The following CAMK1 variants were observed in gnomAD, a reference collection of about 807,000 sequenced individuals.
The protein encoded by CAMK1 is calcium/calmodulin dependent protein kinase I.
A neutral mutation model predicts 49.1 loss-of-function variants in CAMK1; 39 were observed. The ratio of observed to expected loss-of-function variants is 0.79; its 90% CI spans 0.62 to 1.04. The LOEUF (loss-of-function observed/expected upper bound fraction) is 1.04. CAMK1 is among the 50% of genes least tolerant of loss of function. The pLI is 0.00. For synonymous variants in CAMK1, 192 were observed against 185.2 expected, an observed-to-expected ratio of 1.04 and a Z score of -0.30; for missense variants, 457 against 472.2, an observed-to-expected ratio of 0.97 and a Z score of 0.30.
At chr3:9,759,788 T>TGG in intron 8 of CAMK1, 38 bp from the exon 9 acceptor site, 1 of 1,614,014 alleles carries the variant, frequency 6.2e-7, no homozygotes, top group South Asian at 1.1e-5. Flanking sequence ...AATGACAGCA[T>TGG]GGTACTGCCT....
At position 9,766,058 on chromosome 3, in the gene CAMK1, G is replaced by A. The variant is rs747025659; in HGVS notation, c.84-168C>T. 9.4e-6 allele frequency: 15 copies of A among 1,588,924 alleles called. No individual in the cohort carries two copies. The highest frequency in any genetic ancestry group is 1.3e-5 in the Non-Finnish European group (15 of 1,166,740). The stretch of plus-strand genomic sequence containing the variant: ...CTCCAGAGATGGTCACATGACCCAG[G>A]CCTGGCCAGTCAAAGTAGTCTCTCC... On this transcript the variant is annotated intron_variant, in intron 2 of 11. Coordinates refer to ENST00000256460, the MANE Select transcript of CAMK1 (RefSeq NM_003656.5).
chr3:9,759,745 C>G lies in CAMK1; in HGVS notation c.751G>C (p.Asp251His), dbSNP rs1559695168. 6.2e-7 allele frequency: 1 copy of G among 1,614,184 alleles called. No homozygotes were observed. Among genetic ancestry groups the G allele is most frequent in the South Asian group, 1.1e-5 (1 of 91,080 alleles). The change falls in exon 9 of 12, where the codon GAT becomes CAT. Residue 251 changes from aspartate to histidine, a missense_variant. Coordinates refer to ENST00000256460, the MANE Select transcript of CAMK1 (RefSeq NM_003656.5). ...TTCTCCATCAAGTGCCGGATGAAAT[C>G]TTTGGCTAAACCCCCAAGACAAAAG... ...YWDDISDSAKDFIRHLMEKDP... is the reference protein window; with the variant it reads ...YWDDISDSAKHFIRHLMEKDP...
Position 9,767,620 on chromosome 3 carries a change from C to T in CAMK1, c.83+47G>A, listed in dbSNP as rs941674312. On this transcript the variant is annotated intron_variant, in intron 2 of 11. Coordinates refer to ENST00000256460, the MANE Select transcript of CAMK1 (RefSeq NM_003656.5). Reference sequence around the variant, plus strand: ...TGACCAGAGGAAGCCCCACCCTGGACTCAGCCTCCCTCAGCCATCCAGCAC... The same window carrying T: ...TGACCAGAGGAAGCCCCACCCTGGATTCAGCCTCCCTCAGCCATCCAGCAC... 5 of 1,610,914 alleles carry T rather than the reference C, an allele frequency of 3.1e-6. No homozygotes were observed. In the African/African-American group the frequency reaches 5.3e-5, roughly 17 times the overall value.
At chr3:9,760,828 A>G in intron 7 of CAMK1, 60 bp from the exon 8 acceptor site, 1 of 1,606,808 alleles carries the variant, frequency 6.2e-7, no homozygotes, top group Admixed American at 1.7e-5. Flanking sequence ...TCCGGGGTGG[A>G]GCACTGGGGC....
Position 9,757,528 on chromosome 3 carries a change from G to A in CAMK1, c.*11C>T. The A allele has an allele frequency of 2.5e-6, 4 of 1,610,028 alleles. No homozygotes were observed. The highest frequency in any genetic ancestry group is 1.3e-5 in the African/African-American group (1 of 74,978). ...TCCCACGCAGAGGATCATGACCCGAGGTCCAGGGCCCTAGAGCTGGTGGGG... is the reference window on the plus strand; with the variant it reads ...TCCCACGCAGAGGATCATGACCCGAAGTCCAGGGCCCTAGAGCTGGTGGGG... On this transcript the variant is annotated 3_prime_UTR_variant, in exon 12 of 12. Transcript: ENST00000256460. The surrounding 1 kb of genome is among the most constrained non-coding windows in gnomAD (Gnocchi z 4.5).
At chr3:9,764,105 G>A (rs1336610909) in intron 3 of CAMK1, among the ~76,000 whole-genome samples, 2 of 152,154 alleles carry the variant, frequency 1.3e-5, no homozygotes, top group African/African-American at 4.8e-5. Context: ...CCAGCACCTG[G>A]TACAGGGTAG....
rs2069058 is a variant in CAMK1 at position 9,759,339 on chromosome 3, A to T, written c.912+149T>A. 7,198 of 1,561,554 alleles carry T rather than the reference A, an allele frequency of 4.6e-3. 264 individuals are homozygous for T. In the African/African-American group the frequency reaches 0.083, roughly 18 times the overall value. ...GGTGTTGGGAGTGTTTGTTGAATGA[A>T]AGAGTGAATGAATGAAGTCCTTCAG... On this transcript the variant is annotated intron_variant, in intron 10 of 11. Coordinates refer to ENST00000256460, the MANE Select transcript of CAMK1 (RefSeq NM_003656.5).
At chr3:9,767,867 C>G in intron 1 of CAMK1, 86 bp from the exon 2 acceptor site, 2 of 1,476,278 alleles carry the variant, frequency 1.4e-6, no homozygotes, top group Admixed American at 2.3e-5. Context: ...GTCATTCAAC[C>G]TGCATTTATT....
intron 10 of CAMK1, chr3:9,758,904 A>G: frequency 2.5e-6 from 1 of 394,646 alleles, no homozygotes; most frequent in South Asian, 2.2e-5. Flanking sequence ...TGCTGGGATT[A>G]CAGGCGTGAG....
chr3:9,757,538 C>A lies in CAMK1; in HGVS notation c.*1G>T. On this transcript the variant is annotated 3_prime_UTR_variant, in exon 12 of 12. Transcript: ENST00000256460. The surrounding 1 kb of genome is among the most constrained non-coding windows in gnomAD (Gnocchi z 4.5). ...AGGATCATGACCCGAGGTCCAGGGCCCTAGAGCTGGTGGGGCAGTGTGGGG... is the reference window on the plus strand; with the variant it reads ...AGGATCATGACCCGAGGTCCAGGGCACTAGAGCTGGTGGGGCAGTGTGGGG... The A allele has an allele frequency of 6.2e-7, 1 of 1,613,048 alleles. No individual in the cohort carries two copies. Among genetic ancestry groups the A allele is most frequent in the Non-Finnish European group, 8.5e-7 (1 of 1,179,230 alleles).
intron 5 of CAMK1, 23 bp downstream of exon 5, chr3:9,762,891 C>G (rs1192589045): frequency 6.2e-7 from 1 of 1,613,328 alleles, no homozygotes; most frequent in Non-Finnish European, 8.5e-7. Flanking sequence ...TACCCTAGCT[C>G]ACCACACCCC....
chr3:9,757,582 T>A lies in CAMK1; in HGVS notation c.1070A>T (p.Glu357Val). The A allele has an allele frequency of 6.2e-7, 1 of 1,614,096 alleles. No individual in the cohort carries two copies. Among genetic ancestry groups the A allele is most frequent in the Non-Finnish European group, 8.5e-7 (1 of 1,180,024 alleles). ...AGCCCRDCCV[E>V]PGTELSPTLP... ...TGTGGGGGACAGTTCTGTGCCCGGC[T>A]CCACGCAGCAGTCTCGACAGCAACA... Residue 357 changes from glutamate to valine, a missense_variant, in exon 12 of 12, where the codon GAG (glutamate) becomes GTG (valine). Transcript: ENST00000256460. This position sits in a 1 kb window ranked among gnomAD's most constrained non-coding sequence, Gnocchi z 4.5.
chr3:9,767,582 A>G, intron 2 of CAMK1, 85 bp downstream of exon 2: 1 of 1,556,698 alleles, frequency 6.4e-7, no homozygotes, highest in Non-Finnish European at 8.8e-7. Flanking sequence ...TGTGGGAAAC[A>G]GGAAGCATTA....
chr3:9,766,480 C>CA (rs369221335), intron 2 of CAMK1: 36 of 349,400 alleles, frequency 1.0e-4, no homozygotes, highest in Middle Eastern at 1.0e-3. Flanking sequence ...GATCCTGGGT[C>CA]AAAAAAAAGA....
At chr3:9,765,268 T>C (rs1207550697) in intron 3 of CAMK1, among the ~76,000 whole-genome samples, 2 of 151,510 alleles carry the variant, frequency 1.3e-5, no homozygotes, top group African/African-American at 4.8e-5. Context: ...GGTTGGAAGC[T>C]CAGGGGAGAG....
chr3:9,757,401 T>C lies in CAMK1; in HGVS notation c.*138A>G, dbSNP rs546241211. 7 of 1,610,836 alleles carry C rather than the reference T, an allele frequency of 4.3e-6. No homozygotes were observed. In the African/African-American group the frequency reaches 9.3e-5, roughly 22 times the overall value. Reference sequence around the variant, plus strand: ...GAACAATAAAATAGAAACATTTGTATGGAAAATGCAGTGAGGAGTGGTAGG... The same window carrying C: ...GAACAATAAAATAGAAACATTTGTACGGAAAATGCAGTGAGGAGTGGTAGG... On this transcript the variant is annotated 3_prime_UTR_variant, in exon 12 of 12. Coordinates refer to ENST00000256460, the MANE Select transcript of CAMK1 (RefSeq NM_003656.5). The surrounding 1 kb of genome is among the most constrained non-coding windows in gnomAD (Gnocchi z 4.5).
Position 9,765,847 on chromosome 3 carries a change from G to C in CAMK1, c.127C>G (p.Gln43Glu), listed in dbSNP as rs770894597. 1 of 1,613,788 alleles carries C rather than the reference G, an allele frequency of 6.2e-7. No homozygotes were observed. Among genetic ancestry groups the C allele is most frequent in the Non-Finnish European group, 8.5e-7 (1 of 1,179,978 alleles). The change falls in exon 3 of 12, where the codon CAG (glutamine) becomes GAG (glutamate). Residue 43 changes from glutamine to glutamate, a missense_variant. Transcript: ENST00000256460. ...ATGCATTTGATGGCCACCAGCTTCT[G>C]CGTCCTCTTATCTTCTGCCAGGATC... ...EVILAEDKRT[Q>E]KLVAIKCIAK...
rs371280138 is a variant in CAMK1 at position 9,760,778 on chromosome 3, G to A, written c.633-10C>T. The A allele has an allele frequency of 2.1e-5, 34 of 1,613,838 alleles. No individual in the cohort carries two copies. Among genetic ancestry groups the A allele is most frequent in the South Asian group, 1.6e-4 (15 of 91,074 alleles). ...AGGGTAACCGCAGAGCCTGGGCAGG[G>A]AGAAACTCATCCTCATTTCCACTTT... On this transcript the variant is annotated splice_polypyrimidine_tract_variant and intron_variant, in intron 7 of 11. Transcript: ENST00000256460.
intron 3 of CAMK1, 94 bp downstream of exon 3, chr3:9,765,665 G>C: frequency 7.1e-7 from 1 of 1,407,156 alleles, no homozygotes; most frequent in Non-Finnish European, 9.8e-7. Flanking sequence ...AAGGCTTAGA[G>C]AGTTTAAATG....
Sources: allele counts gnomAD v4.1 joint callset (sites outside exome capture counted in the v4.1 genomes callset), GRCh38; gene constraint gnomAD v4.1.1; non-coding constraint Gnocchi (gnomAD v3.1); transcripts MANE v1.5; gene names NCBI Gene and HGNC (gene_info 2026-07-23, HGNC 2026-07-21).